Variants in MED13 observed in about 807,000 individuals in gnomAD.
MED13 encodes the protein mediator complex subunit 13.
Under a neutral mutation model 225.2 loss-of-function variants are expected in MED13, and 23 were observed. The ratio of observed to expected loss-of-function variants is 0.10; its 90% CI spans 0.07 to 0.14. MED13 has a LOEUF of 0.14. MED13 is among the 10% of genes least tolerant of loss of function. The pLI is 1.00. For missense variants in MED13, 2,197 were observed against 2,594.5 expected, an observed-to-expected ratio of 0.85 and a Z score of 3.33; for synonymous variants, 942 against 889.2, an observed-to-expected ratio of 1.06 and a Z score of -1.06.
intron 9 of MED13, among the ~76,000 whole-genome samples, chr17:62,008,074 T>C (rs867992311): frequency 4.8e-5 from 7 of 147,090 alleles, no homozygotes; most frequent in African/African-American, 1.0e-4. Context: ...TCCCAGCACT[T>C]TGGGAGGCCG....
intron 2 of MED13, among the ~76,000 whole-genome samples, chr17:62,062,414 GATT>G: frequency 6.6e-6 from 1 of 152,160 alleles, no homozygotes; most frequent in East Asian, 1.9e-4. Context: ...TAACCTTTTA[GATT>G]ATGATCCCAT....
In MED13 at chr17:61,995,971, T is replaced by A. The variant is rs183600624; in HGVS notation, c.1968-606A>T. On this transcript the variant is annotated intron_variant, in intron 9 of 29. Coordinates refer to ENST00000397786, the MANE Select transcript of MED13 (RefSeq NM_005121.3). ...TGAGTTTTCTAATCACATTGGCACA[T>A]CAATTTTTAAGTTATTAGTCTTCTG... is the stretch of plus-strand genomic sequence containing the variant. 2.9e-3 allele frequency among the ~76,000 whole-genome samples: 436 copies of A among 152,320 alleles called. 4 individuals are homozygous for A. Among genetic ancestry groups the A allele is most frequent in the African/African-American group, 1.0e-2 (414 of 41,562 alleles).
intron 27 of MED13, among the ~76,000 whole-genome samples, 165 bp from the exon 28 acceptor site, chr17:61,951,163 A>G (rs980030944): frequency 6.6e-6 from 1 of 152,260 alleles, no homozygotes; most frequent in African/African-American, 2.4e-5. Context: ...ACTTAGGAGT[A>G]TTATAAGTAA....
chr17:62,035,369 G>A (rs777690178), intron 4 of MED13, 94 bp downstream of exon 4: 3 of 1,053,224 alleles, frequency 2.8e-6, no homozygotes, highest in Admixed American at 2.5e-5. Context: ...TAAAGATCAG[G>A]GGGAATTCCA....
chr17:61,955,654 T>C lies in MED13; in HGVS notation c.5782+26A>G, dbSNP rs374391194. 4 of 1,577,156 alleles carry C rather than the reference T, an allele frequency of 2.5e-6. No homozygotes were observed. The African/African-American group carries it at 4.1e-5, about 16-fold the overall frequency. On this transcript the variant is annotated intron_variant, in intron 25 of 29. Coordinates refer to ENST00000397786, the MANE Select transcript of MED13 (RefSeq NM_005121.3). ...AAACTTAACTGCATAAAGAATTAAA[T>C]CTGATATAAACTAAAGATAGCTAAC...
Position 61,944,708 on chromosome 17 carries a change from G to A in MED13, c.*1760C>T, listed in dbSNP as rs1044407772. Reference sequence around the variant, plus strand: ...AAAAAAAACTAAAACAAACACTGAAGTAGAGTTTTGTAAATACAACTGATT... The same window carrying A: ...AAAAAAAACTAAAACAAACACTGAAATAGAGTTTTGTAAATACAACTGATT... On this transcript the variant is annotated 3_prime_UTR_variant, in exon 30 of 30. Coordinates refer to ENST00000397786, the MANE Select transcript of MED13 (RefSeq NM_005121.3). 2 of 152,472 alleles carry A rather than the reference G, an allele frequency of 1.3e-5. No individual in the cohort carries two copies. The highest frequency in any genetic ancestry group is 2.9e-5 in the Non-Finnish European group (2 of 68,004). 9.4% of individuals were successfully genotyped at this position (152,472 alleles called of 1,614,324 possible).
intron 8 of MED13, among the ~76,000 whole-genome samples, chr17:62,016,758 C>T (rs2080585678): frequency 6.6e-6 from 1 of 152,170 alleles, no homozygotes; most frequent in Non-Finnish European, 1.5e-5. Flanking sequence ...CCTGTAATCC[C>T]AGCACTTTGG....
intron 3 of MED13, among the ~76,000 whole-genome samples, chr17:62,041,455 C>G (rs1025959066): frequency 6.6e-6 from 1 of 152,204 alleles, no homozygotes; most frequent in Non-Finnish European, 1.5e-5. Flanking sequence ...TGAAAAAGTT[C>G]TGCAGATAGA....
chr17:62,043,453 T>A (rs2143723179), intron 3 of MED13, among the ~76,000 whole-genome samples: 1 of 152,258 alleles, frequency 6.6e-6, no homozygotes, highest in African/African-American at 2.4e-5. Flanking sequence ...CTACACCTAA[T>A]TTAGCAGAGA....
At position 62,010,661 on chromosome 17, in the gene MED13, T is replaced by C. The variant is rs778897255; in HGVS notation, c.1856A>G (p.Lys619Arg). ...DEANIAWKYY[K>R]FPKKKDVEFL... ...CTCTACATCTTTTTTCTTTGGGAAC[T>C]TGTAATACTTCCAGGCTATATTGGC... The change falls in exon 9 of 30, where the codon AAG becomes AGG. Residue 619 changes from lysine (K) to arginine (R), a missense_variant. Transcript: ENST00000397786. 4.0e-6 allele frequency: 6 copies of C among 1,507,998 alleles called. No individual in the cohort carries two copies. In the African/African-American group the frequency reaches 4.2e-5, roughly 11 times the overall value. The allele number at this position is 1,507,998 out of a possible 1,614,324, so 93.4% of individuals were successfully genotyped here. A position where few individuals can be genotyped will look rare whatever the true frequency, so the allele number is the denominator to read the frequency against.
intron 3 of MED13, among the ~76,000 whole-genome samples, chr17:62,042,560 C>CAAAAA (rs377646442): frequency 8.3e-5 from 5 of 60,260 alleles, no homozygotes; most frequent in African/African-American, 2.9e-4. Flanking sequence ...GGTTTCATCT[C>CAAAAA]AAAAAAAAAA....
intron 8 of MED13, among the ~76,000 whole-genome samples, chr17:62,017,648 A>G (rs2080595891): frequency 6.6e-6 from 1 of 152,204 alleles, no homozygotes; most frequent in Non-Finnish European, 1.5e-5. Context: ...AACATGAATC[A>G]AAGGGAGTGG....
At chr17:61,985,702 A>G (rs1412472103) in intron 12 of MED13, among the ~76,000 whole-genome samples, 1 of 152,164 alleles carries the variant, frequency 6.6e-6, no homozygotes, top group Non-Finnish European at 1.5e-5. Context: ...AACCTGCAAT[A>G]AGAAGGGGTT....
intron 11 of MED13, among the ~76,000 whole-genome samples, chr17:61,991,804 G>A (rs951919893): frequency 3.0e-4 from 46 of 151,892 alleles, no homozygotes; most frequent in East Asian, 3.9e-4. Context: ...CACTGTGCCC[G>A]GCCTAATTTT....
At chr17:62,057,487 T>C (rs2081004875) in intron 2 of MED13, among the ~76,000 whole-genome samples, 2 of 152,322 alleles carry the variant, frequency 1.3e-5, no homozygotes, top group South Asian at 4.1e-4. Flanking sequence ...TCGGGCCACA[T>C]CACAAGTAAA....
At chr17:61,969,637 T>C (rs975331498) in intron 17 of MED13, among the ~76,000 whole-genome samples, 3 of 152,240 alleles carry the variant, frequency 2.0e-5, no homozygotes, top group Admixed American at 6.5e-5. Flanking sequence ...AGTCTTGCTC[T>C]GTTGCCTAGG....
At chr17:62,051,136 T>C (rs1403255497) in intron 3 of MED13, among the ~76,000 whole-genome samples, 2 of 152,248 alleles carry the variant, frequency 1.3e-5, no homozygotes, top group African/African-American at 4.8e-5. Flanking sequence ...ACTTCATTTG[T>C]TCAGAGCAGC....
intron 23 of MED13, among the ~76,000 whole-genome samples, chr17:61,959,716 G>T: frequency 6.9e-6 from 1 of 145,382 alleles, no homozygotes; most frequent in African/African-American, 2.5e-5. Context: ...ATAAACGATA[G>T]AACCCAAATC....
rs566286087 is a variant in MED13 at position 62,025,449 on chromosome 17, C to T, written c.1283+4092G>A. On this transcript the variant is annotated intron_variant, in intron 8 of 29. Coordinates refer to ENST00000397786, the MANE Select transcript of MED13 (RefSeq NM_005121.3). ...TTGGGAGGCCAAGGCAGATGGATCA[C>T]CTGAGGTCAGGAGTTTGAGAACAGA... 1.9e-3 allele frequency among the ~76,000 whole-genome samples: 297 copies of T among 152,324 alleles called. 3 individuals carry two copies. Among genetic ancestry groups the T allele is most frequent in the Admixed American group, 2.9e-3 (44 of 15,302 alleles).
Sources: gnomAD v4.1 joint callset for allele counts (sites outside exome capture counted in the v4.1 genomes callset) on GRCh38, gnomAD v4.1.1 for gene constraint, MANE v1.5 for transcripts, NCBI Gene and HGNC (gene_info 2026-07-23, HGNC 2026-07-21) for gene names.